LARP1: variants seen among roughly 807,000 people sequenced by gnomAD.
The protein encoded by LARP1 is la-related protein 1.
A neutral mutation model predicts 122.7 loss-of-function variants in LARP1; 36 were observed. The ratio of observed to expected loss-of-function variants is 0.29; its 90% CI spans 0.22 to 0.39. LARP1 has a LOEUF of 0.39. Ranked by LOEUF, LARP1 falls within the 10% of genes least tolerant of loss-of-function variation. The pLI is 1.00. For missense variants in LARP1, 1,040 were observed against 1,403.6 expected, an observed-to-expected ratio of 0.74 and a Z score of 4.14; for synonymous variants, 539 against 528.7, an observed-to-expected ratio of 1.02 and a Z score of -0.27.
chr5:154,786,699 T>C (rs745796939), intron 1 of LARP1: 39 of 247,828 alleles, frequency 1.6e-4, no homozygotes, highest in African/African-American at 3.2e-4. Flanking sequence ...ATGGAAACCA[T>C]TGGGCTCCAT....
At position 154,805,919 on chromosome 5, in the gene LARP1, A is replaced by G. The variant is rs143640533; in HGVS notation, c.2585A>G (p.Tyr862Cys). The stretch of plus-strand genomic sequence containing the variant: ...GAAGGGACGCCTACAGTTGGCAGCT[A>G]TGGCTGTACCCCTCAGTCATTGCCC... ...PSEGTPTVGSYGCTPQSLPKF... is the reference protein window; with the variant it reads ...PSEGTPTVGSCGCTPQSLPKF... The change falls in exon 15 of 19, where the codon TAT becomes TGT. Residue 862 changes from tyrosine to cysteine, a missense_variant. Physicochemically the swap from Tyr to Cys is radical, Grantham distance 194 (BLOSUM62 -2). Around this residue, in one of 8 missense-constraint regions of LARP1, gnomAD observed 26 missense variants for 27.5 expected, o/e 0.94. Transcript: ENST00000518297. 1.2e-6 allele frequency: 2 copies of G among 1,614,154 alleles called. No homozygotes were observed. The highest frequency in any genetic ancestry group is 1.7e-6 in the Non-Finnish European group (2 of 1,180,028).
intron 1 of LARP1, among the ~76,000 whole-genome samples, chr5:154,721,409 C>T (rs1302431701): frequency 2.0e-5 from 3 of 148,610 alleles, no homozygotes; most frequent in Non-Finnish European, 3.0e-5. Context: ...ATGTTGAAAA[C>T]GTTCATGTGG....
intron 1 of LARP1, among the ~76,000 whole-genome samples, chr5:154,763,323 A>G (rs1042531325): frequency 2.0e-5 from 3 of 151,888 alleles, no homozygotes; most frequent in African/African-American, 7.3e-5. Context: ...CGGCCTCCCA[A>G]AGTGCTGGGA....
chr5:154,756,561 C>T (rs1002624527), intron 1 of LARP1: 32 of 930,358 alleles, frequency 3.4e-5, no homozygotes, highest in Non-Finnish European at 3.8e-5. Flanking sequence ...CCTCTGGAAG[C>T]CCCTCTTCCC....
intron 1 of LARP1, among the ~76,000 whole-genome samples, chr5:154,740,883 C>A (rs1752842668): frequency 1.3e-5 from 2 of 152,212 alleles, no homozygotes; most frequent in Admixed American, 1.3e-4. Flanking sequence ...TTGATGAAAT[C>A]TCTTGCAGAT....
chr5:154,772,209 A>G (rs1755494580), intron 1 of LARP1, among the ~76,000 whole-genome samples: 1 of 137,626 alleles, frequency 7.3e-6, no homozygotes. Flanking sequence ...AGTTTTAATA[A>G]TCTAATATAT....
At position 154,755,948 on chromosome 5, in the gene LARP1, A is replaced by G. The variant is rs1156285102; in HGVS notation, c.191A>G (p.His64Arg). The G allele has an allele frequency of 1.0e-5, 10 of 1,002,352 alleles. No homozygotes were observed. In the East Asian group the frequency reaches 8.8e-4, roughly 88 times the overall value. 62.1% of individuals were successfully genotyped at this position (1,002,352 alleles called of 1,614,324 possible). A position where few individuals can be genotyped will look rare whatever the true frequency, so the allele number is the denominator to read the frequency against. Residue 64 changes from histidine to arginine, a missense_variant, in exon 1 of 19, where the codon CAC (histidine) becomes CGC (arginine). Physicochemically the swap from His to Arg is conservative, Grantham distance 29 (BLOSUM62 0). Around this residue, in one of 8 missense-constraint regions of LARP1, gnomAD observed 257 missense variants for 273.3 expected, o/e 0.94. Coordinates refer to ENST00000518297, the MANE Select transcript of LARP1 (RefSeq NM_033551.3). ...RRPRPPCAKP[H>R]KEGTGQQERE... ...CCCCGGCCGCCCTGCGCCAAGCCGC[A>G]CAAGGAGGGCACCGGGCAGCAGGAG...
chr5:154,743,689 G>T (rs905212826), intron 1 of LARP1, among the ~76,000 whole-genome samples: 1 of 151,522 alleles, frequency 6.6e-6, no homozygotes, highest in Non-Finnish European at 1.5e-5. Flanking sequence ...GCACGATCTG[G>T]ACTTACTGCA....
Position 154,815,575 on chromosome 5 carries a change from G to A in LARP1, c.*1479G>A, listed in dbSNP as rs1316883795. On this transcript the variant is annotated 3_prime_UTR_variant, in exon 19 of 19. Transcript: ENST00000518297. ...GCCATTCTCTCCCTAAGGTCTGGTG[G>A]AGTCTCCCCATCTTGCATACCCTTC... 1 of 152,102 alleles carries A rather than the reference G, an allele frequency of 6.6e-6. No individual in the cohort carries two copies. Among genetic ancestry groups the A allele is most frequent in the Non-Finnish European group, 1.5e-5 (1 of 68,036 alleles). 9.4% of individuals were successfully genotyped at this position (152,102 alleles called of 1,614,324 possible). A position where few individuals can be genotyped will look rare whatever the true frequency, so the allele number is the denominator to read the frequency against.
chr5:154,760,169 C>T lies in LARP1; in HGVS notation c.436+3976C>T, dbSNP rs187351178. On this transcript the variant is annotated intron_variant, in intron 1 of 18. Coordinates refer to ENST00000518297, the MANE Select transcript of LARP1 (RefSeq NM_033551.3). The stretch of plus-strand genomic sequence containing the variant: ...GTCAGGCTGGTCTCAAACTCCCGAC[C>T]TCAGGTGATCCACCTGCCTTGGCCT... 7.2e-5 allele frequency among the ~76,000 whole-genome samples: 11 copies of T among 152,288 alleles called. No homozygotes were observed. The East Asian group carries it at 2.1e-3, about 29-fold the overall frequency.
upstream of LARP1, among the ~76,000 whole-genome samples, chr5:154,708,348 T>G (rs1039997844): frequency 2.6e-5 from 4 of 152,200 alleles, no homozygotes; most frequent in Admixed American, 2.6e-4. Context: ...ATTGAGCAGG[T>G]TGAATATGTC....
At chr5:154,780,079 T>C (rs1756298892) in intron 1 of LARP1, among the ~76,000 whole-genome samples, 1 of 152,018 alleles carries the variant, frequency 6.6e-6, no homozygotes, top group African/African-American at 2.4e-5. Flanking sequence ...GGGGAACTAG[T>C]TGCTACTCGA....
At chr5:154,692,561 C>G (rs540264601) in intron 1 of LARP1, among the ~76,000 whole-genome samples, 1 of 152,314 alleles carries the variant, frequency 6.6e-6, no homozygotes, top group South Asian at 2.1e-4. Flanking sequence ...CTCTTCCCCA[C>G]CCTGTAGGTT....
intron 1 of LARP1, among the ~76,000 whole-genome samples, chr5:154,688,049 G>A (rs1754018485): frequency 6.6e-6 from 1 of 152,170 alleles, no homozygotes; most frequent in Non-Finnish European, 1.5e-5. Context: ...ACAAATGAGT[G>A]ACCTAGGCCA....
chr5:154,691,730 AGCCCTCGGTTCATCCCCCATAGGGCC>A (rs1754221696), intron 1 of LARP1, among the ~76,000 whole-genome samples: 1 of 151,836 alleles, frequency 6.6e-6, no homozygotes, highest in South Asian at 2.1e-4. Context: ...GCTCCTCGGC[AGCCCTCGGTTCATCCCCCATAGGGCC>A]GCGGGTGAGC....
Position 154,793,835 on chromosome 5 carries a change from C to T in LARP1, c.904C>T (p.Pro302Ser), listed in dbSNP as rs777536348. The T allele has an allele frequency of 1.9e-6, 3 of 1,614,182 alleles. No homozygotes were observed. The highest frequency in any genetic ancestry group is 3.3e-5 in the Admixed American group (2 of 60,028). The stretch of plus-strand genomic sequence containing the variant: ...TGCCACCTACGTGCCCGTGGCCCCC[C>T]CCACCCCAGCCTGGCAACCAGAGAT... ...ESATYVPVAPPTPAWQPEIKP... is the reference protein window; with the variant it reads ...ESATYVPVAPSTPAWQPEIKP... Residue 302 changes from proline (P) to serine (S), a missense_variant, in exon 6 of 19, where the codon CCC becomes TCC. Physicochemically the swap from Pro to Ser is moderately conservative, Grantham distance 74. This residue lies in a region of LARP1 where 178 missense variants were observed against 178.3 expected (regional missense o/e 1.00). Coordinates refer to ENST00000518297, the MANE Select transcript of LARP1 (RefSeq NM_033551.3).
chr5:154,774,771 A>G (rs1755726714), intron 1 of LARP1, among the ~76,000 whole-genome samples: 1 of 152,108 alleles, frequency 6.6e-6, no homozygotes, highest in Admixed American at 6.5e-5. Context: ...CTAGACTTGA[A>G]GCAGGTCAGA....
At chr5:154,804,867 C>T (rs1156288576) in intron 14 of LARP1, 2 of 456,206 alleles carry the variant, frequency 4.4e-6, no homozygotes, top group Non-Finnish European at 4.4e-6. Context: ...GCAGAGATGG[C>T]ACAGACTGCA....
At position 154,755,739 on chromosome 5, in the gene LARP1, C is replaced by CG. The variant is rs949555621; in HGVS notation, c.-12dup. 46 of 987,230 alleles carry CG rather than the reference C, an allele frequency of 4.7e-5. No individual in the cohort carries two copies. The highest frequency in any genetic ancestry group is 4.1e-4 in the South Asian group (9 of 21,694). 61.2% of individuals were successfully genotyped at this position (987,230 alleles called of 1,614,324 possible). On this transcript the variant is annotated 5_prime_UTR_variant, in exon 1 of 19. Coordinates refer to ENST00000518297, the MANE Select transcript of LARP1 (RefSeq NM_033551.3). Reference sequence around the variant, plus strand: ...CAGCCTCGGGCGCGCCCGGCTTCTCCGGGGGGGCGGGCGCGCAGATGGCCA... The same window carrying CG: ...CAGCCTCGGGCGCGCCCGGCTTCTCCGGGGGGGGCGGGCGCGCAGATGGCCA...
Sources: gnomAD v4.1 joint callset for allele counts (sites outside exome capture counted in the v4.1 genomes callset) on GRCh38, gnomAD v4.1.1 for gene constraint, gnomAD v4.1.1 regional missense constraint, MANE v1.5 for transcripts, NCBI Gene and HGNC (gene_info 2026-07-23, HGNC 2026-07-21) for gene names.